The following SEMA5A variants were observed in gnomAD, a reference collection of about 807,000 sequenced individuals.
SEMA5A encodes semaphorin-5A.
A neutral mutation model predicts 135.5 loss-of-function variants in SEMA5A; 55 were observed. The ratio of observed to expected loss-of-function variants is 0.41; its 90% confidence interval spans 0.33 to 0.51. The LOEUF (loss-of-function observed/expected upper bound fraction) is 0.51, where lower values mean the gene tolerates loss of function less well. SEMA5A is among the 20% of genes least tolerant of loss of function. The pLI is 0.37. For missense variants in SEMA5A, 1,290 were observed against 1,419.9 expected (o/e 0.91, Z 1.47); for synonymous variants, 580 against 546.5 (o/e 1.06, Z -0.85).
At chr5:9,435,310 G>T (rs922819430) in intron 2 of SEMA5A, among the ~76,000 whole-genome samples, 4 of 151,972 alleles carry the variant, frequency 2.6e-5, no homozygotes, top group African/African-American at 9.7e-5. Flanking sequence ...ACCAAAGTAG[G>T]AAATACCATC....
At chr5:9,403,265 A>G (rs778956495) in intron 2 of SEMA5A, among the ~76,000 whole-genome samples, 6 of 152,154 alleles carry the variant, frequency 3.9e-5, no homozygotes, top group Non-Finnish European at 5.9e-5. Flanking sequence ...TAACTCCCCA[A>G]TACAAACCAG....
intron 11 of SEMA5A, among the ~76,000 whole-genome samples, chr5:9,171,584 A>T (rs1210942811): frequency 3.3e-5 from 5 of 152,132 alleles, no homozygotes; most frequent in African/African-American, 7.2e-5. Context: ...AGACTCCCCA[A>T]ATCTTTTCAT....
chr5:9,182,275 G>A (rs557442240), intron 11 of SEMA5A, among the ~76,000 whole-genome samples: 5 of 151,796 alleles, frequency 3.3e-5, no homozygotes, highest in African/African-American at 4.8e-5. Flanking sequence ...CAAAGGCCAC[G>A]AGAAGTATCA....
chr5:9,529,833 T>C (rs1737345281), intron 1 of SEMA5A, among the ~76,000 whole-genome samples: 1 of 152,238 alleles, frequency 6.6e-6, no homozygotes, highest in Admixed American at 6.5e-5. Context: ...TTTGGCAACC[T>C]GAGCTATTAC....
At chr5:9,539,848 GACTT>G (rs1389033165) in intron 1 of SEMA5A, among the ~76,000 whole-genome samples, 1 of 152,076 alleles carries the variant, frequency 6.6e-6, no homozygotes, top group African/African-American at 2.4e-5. Context: ...AACAAGCACT[GACTT>G]ACTGTGCAAA....
chr5:9,456,652 G>A (rs374809197), intron 1 of SEMA5A, among the ~76,000 whole-genome samples: 1 of 152,118 alleles, frequency 6.6e-6, no homozygotes, highest in Non-Finnish European at 1.5e-5. Context: ...GAAAAGGGAG[G>A]TCTAAGTCAG....
intron 1 of SEMA5A, among the ~76,000 whole-genome samples, chr5:9,450,061 C>T (rs1247527494): frequency 6.6e-6 from 1 of 152,160 alleles, no homozygotes; most frequent in Non-Finnish European, 1.5e-5. Flanking sequence ...ACAGACTTCC[C>T]TGTGCAAACA....
intron 5 of SEMA5A, among the ~76,000 whole-genome samples, chr5:9,316,641 AT>A (rs1304161744): frequency 2.6e-5 from 4 of 152,200 alleles, no homozygotes; most frequent in African/African-American, 9.7e-5. Flanking sequence ...TTATGATTAA[AT>A]TGTTGATCAT....
chr5:9,177,754 G>A (rs1744280972), intron 11 of SEMA5A, among the ~76,000 whole-genome samples: 2 of 152,208 alleles, frequency 1.3e-5, no homozygotes, highest in South Asian at 2.1e-4. Context: ...CTAGGGTTAT[G>A]TGGATTTTGA....
At chr5:9,322,300 C>T (rs962904883) in intron 4 of SEMA5A, among the ~76,000 whole-genome samples, 3 of 152,056 alleles carry the variant, frequency 2.0e-5, no homozygotes, top group East Asian at 1.9e-4. Context: ...TACCTGAGAG[C>T]TATGGTGCCC....
chr5:9,509,599 G>A (rs546565788), intron 1 of SEMA5A, among the ~76,000 whole-genome samples: 1 of 152,160 alleles, frequency 6.6e-6, no homozygotes, highest in South Asian at 2.1e-4. Context: ...TTTAATGAGT[G>A]GATATAGGTT....
At chr5:9,500,263 A>C (rs1393825240) in intron 1 of SEMA5A, among the ~76,000 whole-genome samples, 1 of 152,172 alleles carries the variant, frequency 6.6e-6, no homozygotes, top group African/African-American at 2.4e-5. Flanking sequence ...GCATGGCTTG[A>C]ACTTGCTCCT....
At chr5:9,358,003 A>T (rs1247536582) in intron 3 of SEMA5A, among the ~76,000 whole-genome samples, 2 of 152,338 alleles carry the variant, frequency 1.3e-5, no homozygotes, top group East Asian at 3.9e-4. Flanking sequence ...ATTTTGTCAC[A>T]CTAGACTGAG....
intron 1 of SEMA5A, among the ~76,000 whole-genome samples, chr5:9,528,516 G>T (rs1449710001): frequency 1.3e-5 from 2 of 152,158 alleles, no homozygotes; most frequent in African/African-American, 4.8e-5. Flanking sequence ...CTGAGCCCTA[G>T]GACTGCTTTG....
chr5:9,489,775 T>C (rs1034936573), intron 1 of SEMA5A, among the ~76,000 whole-genome samples: 1 of 152,160 alleles, frequency 6.6e-6, no homozygotes, highest in Non-Finnish European at 1.5e-5. Context: ...TCCATTCCAA[T>C]AACAGTGCAA....
intron 5 of SEMA5A, among the ~76,000 whole-genome samples, chr5:9,240,502 C>T (rs1748134969): frequency 6.6e-6 from 1 of 151,836 alleles, no homozygotes; most frequent in African/African-American, 2.4e-5. Context: ...CCATAGTGTC[C>T]TCCTATTCAC....
intron 5 of SEMA5A, among the ~76,000 whole-genome samples, chr5:9,311,605 A>AG (rs1348803499): frequency 1.4e-5 from 1 of 73,650 alleles, no homozygotes; most frequent in Non-Finnish European, 2.6e-5. Context: ...GGGTCGGGGG[A>AG]GGGGGGAGGG....
chr5:9,179,617 C>T (rs1007076959), intron 11 of SEMA5A, among the ~76,000 whole-genome samples: 5 of 152,188 alleles, frequency 3.3e-5, no homozygotes, highest in African/African-American at 4.8e-5. Context: ...AGAACTAATG[C>T]TCCCACATTT....
chr5:9,401,017 A>T (rs991405538), intron 2 of SEMA5A, among the ~76,000 whole-genome samples: 5 of 152,150 alleles, frequency 3.3e-5, no homozygotes, highest in African/African-American at 1.2e-4. Flanking sequence ...TCCAAAATGC[A>T]TGCTTTTGTG....
Sources: gnomAD v4.1 joint callset for allele counts (sites outside exome capture counted in the v4.1 genomes callset) on GRCh38, gnomAD v4.1.1 for gene constraint, MANE v1.5 for transcripts, NCBI Gene and HGNC (gene_info 2026-07-23, HGNC 2026-07-21) for gene names.